The following TBC1D2 variants were observed in gnomAD, a reference collection of about 807,000 sequenced individuals.
TBC1D2 encodes the protein TBC1 domain family member 2A.
A neutral mutation model predicts 91.1 loss-of-function variants in TBC1D2; 58 were observed. The ratio of observed to expected loss-of-function variants is 0.64; its 90% CI spans 0.52 to 0.79. TBC1D2 has a LOEUF of 0.79. TBC1D2 is among the 30% of genes least tolerant of loss of function. The pLI, the probability that TBC1D2 is intolerant of heterozygous loss-of-function variation, is 0.00. For synonymous variants in TBC1D2, 482 were observed against 511.5 expected (o/e 0.94, Z 0.78); for missense variants, 1,080 against 1,208.3 (o/e 0.89, Z 1.57).
chr9:98,201,968 C>A (rs954950492), intron 10 of TBC1D2, among the ~76,000 whole-genome samples: 7 of 152,148 alleles, frequency 4.6e-5, no homozygotes, highest in Non-Finnish European at 1.0e-4. Context: ...ATCCCTTGAG[C>A]CAAGCAGGAG....
intron 3 of TBC1D2, among the ~76,000 whole-genome samples, chr9:98,242,223 C>CTG (rs1829655786): frequency 6.6e-6 from 1 of 152,042 alleles, no homozygotes; most frequent in Admixed American, 6.6e-5. Flanking sequence ...GGGCAAACCA[C>CTG]GAGGTCAGGA....
intron 6 of TBC1D2, among the ~76,000 whole-genome samples, chr9:98,217,172 C>T (rs1828990820): frequency 6.6e-6 from 1 of 152,194 alleles, no homozygotes; most frequent in Non-Finnish European, 1.5e-5. Context: ...CGATGCCCTA[C>T]CTTGAGTGCT....
Position 98,233,567 on chromosome 9 carries a change from C to A in TBC1D2, c.648-18G>T. ...TTGTGTTCCTGAAAGGAGACAAGAA[C>A]AGAGGAGCATGAGGCTGAACCCTGC... On this transcript the variant is annotated intron_variant, in intron 3 of 12. Transcript: ENST00000465784. 1 of 1,613,344 alleles carries A rather than the reference C, an allele frequency of 6.2e-7. No homozygotes were observed. Among genetic ancestry groups the A allele is most frequent in the Non-Finnish European group, 8.5e-7 (1 of 1,179,554 alleles).
rs369354290 is a variant in TBC1D2, at chr9:98,213,108, C to G, written c.1485G>C (p.Lys495Asn). 1 of 1,614,070 alleles carries G rather than the reference C, an allele frequency of 6.2e-7. No homozygotes were observed. Residue 495 changes from lysine to asparagine, a missense_variant and splice_region_variant, in exon 7 of 13, where the codon AAG becomes AAC. By Grantham distance (94) the Lys-to-Asn change is moderately conservative. Coordinates refer to ENST00000465784, the MANE Select transcript of TBC1D2 (RefSeq NM_001267571.2). ...VAEKEKALLT[K>N]CAYLQARNCQ... Reference sequence around the variant, plus strand: ...GCTGGAATAGGGCCCCACCCCGCACCTTCGTCAGAAGGGCCTTCTCCTTCT... The same window carrying G: ...GCTGGAATAGGGCCCCACCCCGCACGTTCGTCAGAAGGGCCTTCTCCTTCT...
chr9:98,245,608 T>C (rs1005877682), intron 2 of TBC1D2, among the ~76,000 whole-genome samples: 1 of 152,158 alleles, frequency 6.6e-6, no homozygotes, highest in Admixed American at 6.5e-5. Context: ...ATCTCAATTG[T>C]ACAGAAAAAG....
Position 98,208,986 on chromosome 9 carries a change from T to G in TBC1D2, c.1832A>C (p.Asp611Ala). ...PLRERWAALGDLVPSAELKQL... is the reference protein window; with the variant it reads ...PLRERWAALGALVPSAELKQL... ...CTTGAGCTCGGCTGAGGGCACAAGA[T>G]CGCCCAGGGCAGCCCAGCGCTCCCT... is the stretch of plus-strand genomic sequence containing the variant. Residue 611 changes from aspartate (D) to alanine (A), a missense_variant, in exon 9 of 13, where the codon GAT becomes GCT. Coordinates refer to ENST00000465784, the MANE Select transcript of TBC1D2 (RefSeq NM_001267571.2). 1 of 1,614,026 alleles carries G rather than the reference T, an allele frequency of 6.2e-7. No individual in the cohort carries two copies. Among genetic ancestry groups the G allele is most frequent in the Non-Finnish European group, 8.5e-7 (1 of 1,179,998 alleles).
chr9:98,227,083 C>T (rs1309886890), intron 5 of TBC1D2, among the ~76,000 whole-genome samples: 2 of 152,170 alleles, frequency 1.3e-5, no homozygotes, highest in African/African-American at 4.8e-5. Context: ...TCTACTAGTC[C>T]AGGGATCAAG....
rs566898201 is a variant in TBC1D2, at chr9:98,245,222, AGAGT to A, written c.512-1097_512-1094del. Among the ~76,000 whole-genome samples the A allele has an allele frequency of 1.6e-3, 249 of 152,252 alleles. 1 individual carries two copies. Among genetic ancestry groups the A allele is most frequent in the African/African-American group, 5.6e-3 (234 of 41,546 alleles). ...GCCACTGCACTTCAGCCTGGGCGAC[AGAGT>A]GAGACTCCATCTCAAAAAACAAAAC... On this transcript the variant is annotated intron_variant, in intron 2 of 12. Transcript: ENST00000465784.
At chr9:98,199,647 G>T in intron 12 of TBC1D2, 59 bp from the exon 13 acceptor site, 1 of 1,576,454 alleles carries the variant, frequency 6.3e-7, no homozygotes, top group Non-Finnish European at 8.7e-7. Flanking sequence ...GCGTTTACCC[G>T]GCTCTCCCAG....
rs1220161878 is a variant in TBC1D2, at chr9:98,208,674, AGGC to A, written c.2141_2143del (p.Gly714_Leu715delinsVal). The A allele has an allele frequency of 5.2e-6, 8 of 1,524,418 alleles. No homozygotes were observed. The highest frequency in any genetic ancestry group is 7.1e-6 in the Non-Finnish European group (8 of 1,134,602). 94.4% of individuals were successfully genotyped at this position (1,524,418 alleles called of 1,614,324 possible). A position where few individuals can be genotyped will look rare whatever the true frequency, so the allele number is the denominator to read the frequency against. On this transcript the variant is annotated inframe_deletion, in exon 9 of 13. Transcript: ENST00000465784. ...CTGGGCTTTGGTGGCTTACCTGTTC[AGGC>A]CCTGGCAGTAGCCGATGGTGGGGTT...
In TBC1D2 at chr9:98,201,471, C is replaced by T. The variant is rs746681152; in HGVS notation, c.2457+8G>A. The stretch of plus-strand genomic sequence containing the variant: ...GGGCCCCCTGCCCATCCCCTGGCTG[C>T]ACCCTACCTTCGTCCCCTCGTACAG... On this transcript the variant is annotated splice_region_variant and intron_variant, in intron 11 of 12. Transcript: ENST00000465784. 1.2e-6 allele frequency: 2 copies of T among 1,611,478 alleles called. No homozygotes were observed.
At position 98,252,036 on chromosome 9, in the gene TBC1D2, A is replaced by G. The variant is rs539881296; in HGVS notation, c.370-110T>C. On this transcript the variant is annotated intron_variant, in intron 1 of 12. Coordinates refer to ENST00000465784, the MANE Select transcript of TBC1D2 (RefSeq NM_001267571.2). Reference sequence around the variant, plus strand: ...TTAGGAATGCTTTCTTTCCCAGGAAAAAAAAAAGGGGGTCACTGTAGGTAT... The same window carrying G: ...TTAGGAATGCTTTCTTTCCCAGGAAGAAAAAAAGGGGGTCACTGTAGGTAT... The G allele has an allele frequency of 6.4e-6, 9 of 1,399,134 alleles. No individual in the cohort carries two copies. The Admixed American group carries it at 1.8e-4, about 28-fold the overall frequency. The allele number at this position is 1,399,134 out of a possible 1,614,324, so 86.7% of individuals were successfully genotyped here.
intron 6 of TBC1D2, among the ~76,000 whole-genome samples, chr9:98,220,576 T>C (rs2282432): frequency 0.34 from 51,816 of 151,982 alleles, 9,462 homozygotes; most frequent in African/African-American, 0.48. Flanking sequence ...CCTTCACTTT[T>C]CAGTAGCCCA....
intron 3 of TBC1D2, among the ~76,000 whole-genome samples, chr9:98,233,840 C>T (rs748899620): frequency 2.0e-5 from 3 of 152,202 alleles, no homozygotes; most frequent in Non-Finnish European, 2.9e-5. Flanking sequence ...TGCCATGAGG[C>T]GGAGGTATTG....
chr9:98,244,976 C>T (rs1829734547), intron 2 of TBC1D2, among the ~76,000 whole-genome samples: 1 of 152,180 alleles, frequency 6.6e-6, no homozygotes, highest in Admixed American at 6.5e-5. Context: ...CGCAGTGGCT[C>T]ACACCTGTAA....
At position 98,210,678 on chromosome 9, in the gene TBC1D2, T is replaced by C. The variant is rs769860620; in HGVS notation, c.1651A>G (p.Ser551Gly). 6.2e-7 allele frequency: 1 copy of C among 1,602,932 alleles called. No individual in the cohort carries two copies. The highest frequency in any genetic ancestry group is 2.3e-5 in the East Asian group (1 of 44,410). ...QWEAGEASSD[S>G]IELSPISKYD... ...CACCTGATGGGGCTCAGCTCGATGCTGTCAGATGAGGCCTCCCCAGCTTCC... is the reference window on the plus strand; with the variant it reads ...CACCTGATGGGGCTCAGCTCGATGCCGTCAGATGAGGCCTCCCCAGCTTCC... The change falls in exon 8 of 13, where the codon AGC becomes GGC. Residue 551 changes from serine to glycine, a missense_variant. Physicochemically the swap from Ser to Gly is moderately conservative, Grantham distance 56. Transcript: ENST00000465784.
rs1414363778 is a variant in TBC1D2, at chr9:98,209,044, G to A, written c.1774C>T (p.Leu592=). ...IQALESRSHH[L]LGLEAVDRPL... is the part of the protein sequence containing the mutation. ...CGATCCACAGCCTCGAGGCCCAGCA[G>A]GTGGTGGGATCGTGACTCCAATGCC... Residue 592 remains leucine, a synonymous_variant, in exon 9 of 13, where the codon CTG becomes TTG. Transcript: ENST00000465784. The A allele has an allele frequency of 1.2e-6, 2 of 1,614,086 alleles. No homozygotes were observed. The highest frequency in any genetic ancestry group is 3.3e-5 in the Admixed American group (2 of 60,004).
chr9:98,212,629 G>C (rs922864334), intron 7 of TBC1D2, among the ~76,000 whole-genome samples: 2 of 152,110 alleles, frequency 1.3e-5, no homozygotes, highest in Non-Finnish European at 2.9e-5. Flanking sequence ...AGCCTCCCGG[G>C]TGGCCGGGAC....
chr9:98,221,185 T>G lies in TBC1D2; in HGVS notation c.1022A>C (p.Gln341Pro). ...GTATGCGCTGGACGCCCGCTTCTCC[T>G]GCTGGGCGGCCTCCAGTGCCTTGTG... The part of the protein sequence containing the change: ...ILHKALEAAQ[Q>P]EKRASSAYLA... Residue 341 changes from glutamine (Q) to proline (P), a missense_variant, in exon 6 of 13, where the codon CAG (glutamine) becomes CCG (proline). Physicochemically the swap from Gln to Pro is moderately conservative, Grantham distance 76. Coordinates refer to ENST00000465784, the MANE Select transcript of TBC1D2 (RefSeq NM_001267571.2). 1.3e-6 allele frequency: 2 copies of G among 1,557,512 alleles called. No homozygotes were observed. The highest frequency in any genetic ancestry group is 1.7e-4 in the Middle Eastern group (1 of 5,982).
Sources: allele counts gnomAD v4.1 joint callset (sites outside exome capture counted in the v4.1 genomes callset), GRCh38; gene constraint gnomAD v4.1.1; transcripts MANE v1.5; gene names NCBI Gene and HGNC (gene_info 2026-07-23, HGNC 2026-07-21).